The following PRKAG2 variants were observed in gnomAD, a reference collection of about 807,000 sequenced individuals.
PRKAG2 encodes the protein protein kinase AMP-activated non-catalytic subunit gamma 2.
PRKAG2 carries 26 observed loss-of-function variants against 69.6 expected under a neutral mutation model. The observed-to-expected ratio is 0.37, with a 90% CI of 0.27 to 0.52. The LOEUF (loss-of-function observed/expected upper bound fraction) is 0.52. Among genes scored for constraint, PRKAG2 ranks in the 20% least tolerant of loss-of-function variants. The pLI, the probability that PRKAG2 is intolerant of heterozygous loss-of-function variation, is 0.90. For synonymous variants in PRKAG2, 293 were observed against 285.0 expected, an observed-to-expected ratio of 1.03 and a Z score of -0.28; for missense variants, 557 against 740.0, an observed-to-expected ratio of 0.75 and a Z score of 2.87.
chr7:151,788,326 G>A lies in PRKAG2; in HGVS notation c.115-1785C>T, dbSNP rs1312614261. Among the ~76,000 whole-genome samples, 1 of 152,146 alleles carries A rather than the reference G, an allele frequency of 6.6e-6. No individual in the cohort carries two copies. The highest frequency in any genetic ancestry group is 2.4e-5 in the African/African-American group (1 of 41,432). ...TGGGCGTGAGCTGGTATCTCATTGT[G>A]GTTTTGATTTGCATTTCTTGGATAA... On this transcript the variant is annotated intron_variant, in intron 1 of 15. Coordinates refer to ENST00000287878, the MANE Select transcript of PRKAG2 (RefSeq NM_016203.4). The surrounding 1 kb of genome is among the most constrained non-coding windows in gnomAD (Gnocchi z 4.6).
chr7:151,646,767 A>G (rs1231479543), intron 4 of PRKAG2, among the ~76,000 whole-genome samples: 2 of 152,370 alleles, frequency 1.3e-5, no homozygotes, highest in East Asian at 3.9e-4. Flanking sequence ...TATGTTACAC[A>G]TATATGTAAT....
chr7:151,870,154 T>TAGATAGATAGATAGATAGGCAGGCAGGC (rs1159760978), intron 1 of PRKAG2, among the ~76,000 whole-genome samples: 3 of 138,322 alleles, frequency 2.2e-5, no homozygotes, highest in African/African-American at 5.5e-5. Context: ...GATAGATAGA[T>TAGATAGATAGATAGATAGGCAGGCAGGC]AGGCAGGCAG....
intron 11 of PRKAG2, among the ~76,000 whole-genome samples, chr7:151,566,921 G>C (rs964637757): frequency 1.7e-4 from 26 of 152,162 alleles, no homozygotes; most frequent in African/African-American, 6.0e-4. Flanking sequence ...TTAGTTAGCT[G>C]AATATTCTGG....
intron 3 of PRKAG2, among the ~76,000 whole-genome samples, chr7:151,760,815 G>A (rs2075369722): frequency 6.6e-6 from 1 of 152,216 alleles, no homozygotes; most frequent in African/African-American, 2.4e-5. Flanking sequence ...CTGTCTGGAA[G>A]ATTCCAGGCT....
At position 151,632,397 on chromosome 7, in the gene PRKAG2, G is replaced by A. The variant is rs1824848974; in HGVS notation, c.685-259C>T. On this transcript the variant is annotated intron_variant, in intron 4 of 15. Transcript: ENST00000287878. This position sits in a 1 kb window ranked among gnomAD's most constrained non-coding sequence, Gnocchi z 4.2. The stretch of plus-strand genomic sequence containing the variant: ...CGAGTGGGACGCGCCGCTCCCCCCC[G>A]CGCCTTGGTACGGCCCGCCCGGGAG... 7 of 477,404 alleles carry A rather than the reference G, an allele frequency of 1.5e-5. No homozygotes were observed. Among genetic ancestry groups the A allele is most frequent in the Non-Finnish European group, 1.9e-5 (7 of 367,872 alleles). 29.6% of individuals were successfully genotyped at this position (477,404 alleles called of 1,614,324 possible). A position where few individuals can be genotyped will look rare whatever the true frequency, so the allele number is the denominator to read the frequency against.
chr7:151,599,561 G>A (rs372065177), intron 5 of PRKAG2, among the ~76,000 whole-genome samples: 2 of 152,278 alleles, frequency 1.3e-5, no homozygotes, highest in East Asian at 3.9e-4. Context: ...TTCCACTGGG[G>A]GTGGTAGTGG....
chr7:151,774,627 C>T (rs930900007), intron 3 of PRKAG2, among the ~76,000 whole-genome samples: 4 of 151,936 alleles, frequency 2.6e-5, no homozygotes, highest in African/African-American at 7.3e-5. Context: ...GCCAACATGG[C>T]GAAACCCTGT....
intron 1 of PRKAG2, among the ~76,000 whole-genome samples, chr7:151,793,758 C>G: frequency 6.6e-6 from 1 of 152,234 alleles, no homozygotes; most frequent in East Asian, 1.9e-4. Context: ...AACCACCAAA[C>G]GGGCAATTCT....
Position 151,814,866 on chromosome 7 carries a change from G to A in PRKAG2, c.115-28325C>T. 2 of 1,231,754 alleles carry A rather than the reference G, an allele frequency of 1.6e-6. No individual in the cohort carries two copies. The highest frequency in any genetic ancestry group is 2.0e-6 in the Non-Finnish European group (2 of 987,992). 76.3% of individuals were successfully genotyped at this position (1,231,754 alleles called of 1,614,324 possible). A position where few individuals can be genotyped will look rare whatever the true frequency, so the allele number is the denominator to read the frequency against. Reference sequence around the variant, plus strand: ...ACCTGTGTCAGGCGCTGCTGGGGAGGAAACTCCTTACCACACAGCAAGCCA... The same window carrying A: ...ACCTGTGTCAGGCGCTGCTGGGGAGAAAACTCCTTACCACACAGCAAGCCA... On this transcript the variant is annotated intron_variant, in intron 1 of 15. Transcript: ENST00000287878. This position sits in a 1 kb window ranked among gnomAD's most constrained non-coding sequence, Gnocchi z 4.8.
intron 3 of PRKAG2, among the ~76,000 whole-genome samples, chr7:151,747,505 C>T (rs928031708): frequency 2.6e-5 from 4 of 151,964 alleles, no homozygotes; most frequent in Non-Finnish European, 5.9e-5. Context: ...TGTAGTGAGC[C>T]GAGATTGCGC....
At chr7:151,776,293 A>G (rs1180438041) in intron 3 of PRKAG2, among the ~76,000 whole-genome samples, 1 of 152,208 alleles carries the variant, frequency 6.6e-6, no homozygotes, top group Non-Finnish European at 1.5e-5. Flanking sequence ...GCTGAGAGCC[A>G]TGTCATAGCC....
chr7:151,871,744 G>C (rs532199309), intron 1 of PRKAG2, among the ~76,000 whole-genome samples: 2 of 152,334 alleles, frequency 1.3e-5, no homozygotes, highest in East Asian at 3.9e-4. Context: ...CTGTTGACAG[G>C]AAGCGGGCAG....
chr7:151,782,162 A>G lies in PRKAG2; in HGVS notation c.187-731T>C, dbSNP rs1465581625. On this transcript the variant is annotated intron_variant, in intron 2 of 15. Coordinates refer to ENST00000287878, the MANE Select transcript of PRKAG2 (RefSeq NM_016203.4). Reference sequence around the variant, plus strand: ...GCTGGGCATGGTGGCGGGCGCCTGTAATCCCAGCTACTCAGGAGGCTGAGG... The same window carrying G: ...GCTGGGCATGGTGGCGGGCGCCTGTGATCCCAGCTACTCAGGAGGCTGAGG... 2.6e-5 allele frequency among the ~76,000 whole-genome samples: 4 copies of G among 152,186 alleles called. No individual in the cohort carries two copies. In the East Asian group the frequency reaches 7.7e-4, roughly 29 times the overall value.
At chr7:151,571,844 T>G (rs1807655339) in intron 9 of PRKAG2, among the ~76,000 whole-genome samples, 1 of 152,186 alleles carries the variant, frequency 6.6e-6, no homozygotes, top group African/African-American at 2.4e-5. Flanking sequence ...CTACAAAGGT[T>G]GCTTCTCCTA....
At chr7:151,844,830 T>C (rs1254960357) in intron 1 of PRKAG2, among the ~76,000 whole-genome samples, 1 of 152,238 alleles carries the variant, frequency 6.6e-6, no homozygotes, top group African/African-American at 2.4e-5. Flanking sequence ...ATTTACTGGA[T>C]GAATAAATCG....
chr7:151,609,440 A>G (rs911295426), intron 5 of PRKAG2, among the ~76,000 whole-genome samples: 1 of 152,354 alleles, frequency 6.6e-6, no homozygotes, highest in African/African-American at 2.4e-5. Context: ...TTTAACAGAC[A>G]CATACCAGTA....
chr7:151,836,752 T>G lies in PRKAG2; in HGVS notation c.114+39755A>C, dbSNP rs540511040. Among the ~76,000 whole-genome samples the G allele has an allele frequency of 2.8e-4, 42 of 152,264 alleles. 1 individual carries two copies. The highest frequency in any genetic ancestry group is 9.9e-4 in the African/African-American group (41 of 41,566). ...GAACTGTGAGGTAGGACCTAGCCCC[T>G]CGGGTCCCCTGCCCTCTCCTCCTGG... On this transcript the variant is annotated intron_variant, in intron 1 of 15. Coordinates refer to ENST00000287878, the MANE Select transcript of PRKAG2 (RefSeq NM_016203.4). The surrounding 1 kb of genome is among the most constrained non-coding windows in gnomAD (Gnocchi z 4.1).
At chr7:151,688,716 A>T (rs1232256529) in intron 3 of PRKAG2, among the ~76,000 whole-genome samples, 1 of 152,204 alleles carries the variant, frequency 6.6e-6, no homozygotes, top group South Asian at 2.1e-4. Flanking sequence ...CTTCCTAAAA[A>T]CTGGGGAAGA....
rs730880979 is a variant in PRKAG2, at chr7:151,568,829, C to G, written c.1120G>C (p.Val374Leu). 6.2e-7 allele frequency: 1 copy of G among 1,613,844 alleles called. No individual in the cohort carries two copies. The highest frequency in any genetic ancestry group is 8.5e-7 in the Non-Finnish European group (1 of 1,179,848). The change falls in exon 11 of 16, where the codon GTA becomes CTA. Residue 374 changes from valine (V) to leucine (L), a missense_variant. By Grantham distance (32) the Val-to-Leu change is conservative. Coordinates refer to ENST00000287878, the MANE Select transcript of PRKAG2 (RefSeq NM_016203.4). ...ISPDASLFDA[V>L]YSLIKNKIHR... Reference sequence around the variant, plus strand: ...ATTTTATTTTTGATCAAGGAGTATACAGCATCGAAGAGGCTGTGGGAGAAG... The same window carrying G: ...ATTTTATTTTTGATCAAGGAGTATAGAGCATCGAAGAGGCTGTGGGAGAAG...
Sources: gnomAD v4.1 joint callset for allele counts (sites outside exome capture counted in the v4.1 genomes callset) on GRCh38, gnomAD v4.1.1 for gene constraint, Gnocchi (gnomAD v3.1) non-coding constraint, MANE v1.5 for transcripts, NCBI Gene and HGNC (gene_info 2026-07-23, HGNC 2026-07-21) for gene names.